GFOD2: variants seen among roughly 807,000 people sequenced by gnomAD.
GFOD2 encodes Gfo/Idh/MocA-like oxidoreductase domain containing 2, also known as glucose-fructose oxidoreductase domain-containing protein 2.
Under a neutral mutation model 24.6 loss-of-function variants are expected in GFOD2, and 9 were observed. The ratio of observed to expected loss-of-function variants is 0.37; its 90% CI spans 0.22 to 0.64. The LOEUF is 0.64. Among genes scored for constraint, GFOD2 ranks in the 30% least tolerant of loss-of-function variants. GFOD2 has a pLI of 0.65. For synonymous variants in GFOD2, 211 were observed against 224.8 expected (o/e 0.94, Z 0.55); for missense variants, 476 against 532.5 (o/e 0.89, Z 1.04).
intron 1 of GFOD2, among the ~76,000 whole-genome samples, chr16:67,709,130 CCTT>C (rs1190132343): frequency 6.6e-6 from 1 of 151,904 alleles, no homozygotes; most frequent in Non-Finnish European, 1.5e-5. Flanking sequence ...TGGCAAAACT[CCTT>C]CTCCACAAAA....
At chr16:67,705,310 C>T (rs766415439) in intron 1 of GFOD2, among the ~76,000 whole-genome samples, 2 of 152,138 alleles carry the variant, frequency 1.3e-5, no homozygotes, top group Non-Finnish European at 2.9e-5. Context: ...CAGGTTCAAG[C>T]AATTCCCCTG....
chr16:67,689,047 G>GC (rs2053291465), intron 1 of GFOD2, among the ~76,000 whole-genome samples: 1 of 115,256 alleles, frequency 8.7e-6, no homozygotes, highest in Non-Finnish European at 1.9e-5. Flanking sequence ...CCTACTTTTT[G>GC]TTTTTTTTTT....
At chr16:67,685,387 G>A in intron 2 of GFOD2, 70 bp downstream of exon 2, 1 of 1,604,012 alleles carries the variant, frequency 6.2e-7, no homozygotes, top group Non-Finnish European at 8.5e-7. Context: ...TCAGAGGAGA[G>A]GAGTGACCCT....
intron 1 of GFOD2, among the ~76,000 whole-genome samples, chr16:67,704,005 A>T (rs887206987): frequency 2.0e-5 from 3 of 152,180 alleles, no homozygotes; most frequent in African/African-American, 7.2e-5. Context: ...TCCATGTTGT[A>T]GCATGTGTCA....
Position 67,675,495 on chromosome 16 carries a change from G to C in GFOD2, c.818C>G (p.Ser273Cys). 6.2e-7 allele frequency: 1 copy of C among 1,612,218 alleles called. No homozygotes were observed. Among genetic ancestry groups the C allele is most frequent in the South Asian group, 1.1e-5 (1 of 91,082 alleles). Reference protein sequence around the residue: ...RGADLYGQKNSATQEELLLRD... With the variant: ...RGADLYGQKNCATQEELLLRD... ...CAAGAGCAGCTCCTCTTGCGTGGCA[G>C]AGTTCTTCTGCCCATAGAGGTCGGC... Residue 273 changes from serine to cysteine, a missense_variant, in exon 3 of 3, where the codon TCT becomes TGT. Ser to Cys is a moderately radical substitution (Grantham distance 112). Coordinates refer to ENST00000268797, the MANE Select transcript of GFOD2 (RefSeq NM_030819.4).
intron 1 of GFOD2, among the ~76,000 whole-genome samples, chr16:67,695,541 T>TC (rs1246293293): frequency 6.6e-6 from 1 of 151,326 alleles, no homozygotes; most frequent in East Asian, 1.9e-4. Flanking sequence ...TAAGTTTTTT[T>TC]TTTTTTTTTT....
At chr16:67,676,524 G>A (rs193077460) in intron 2 of GFOD2, 20 of 159,512 alleles carry the variant, frequency 1.3e-4, no homozygotes, top group Non-Finnish European at 1.6e-4. Context: ...CTTCATGGAC[G>A]TGTCTCTATG....
At chr16:67,714,872 G>A (rs2142997989) in intron 1 of GFOD2, among the ~76,000 whole-genome samples, 1 of 152,202 alleles carries the variant, frequency 6.6e-6, no homozygotes, top group Middle Eastern at 3.4e-3. Flanking sequence ...ACTATCCAGG[G>A]TCCCAAAGAG....
intron 1 of GFOD2, among the ~76,000 whole-genome samples, chr16:67,700,519 C>T (rs1008714540): frequency 2.0e-5 from 3 of 152,166 alleles, no homozygotes; most frequent in African/African-American, 7.2e-5. Flanking sequence ...TGAGACCAGC[C>T]TGGCCAACAT....
intron 2 of GFOD2, chr16:67,682,591 G>A (rs1157083409): frequency 1.0e-6 from 1 of 985,348 alleles, no homozygotes; most frequent in East Asian, 1.1e-4. Flanking sequence ...AAGAACATAG[G>A]TCAGACCAAA....
chr16:67,712,485 C>T (rs1303017189), intron 1 of GFOD2, among the ~76,000 whole-genome samples: 9 of 133,766 alleles, frequency 6.7e-5, no homozygotes, highest in Non-Finnish European at 1.4e-4. Context: ...GACGGGGTTT[C>T]GCTGTGTTGG....
chr16:67,679,722 A>G (rs1031107373), intron 2 of GFOD2, among the ~76,000 whole-genome samples: 2 of 151,702 alleles, frequency 1.3e-5, no homozygotes, highest in African/African-American at 4.8e-5. Context: ...CCCTATCTCT[A>G]CTAAAAATAC....
chr16:67,692,951 A>T (rs974697224), intron 1 of GFOD2, among the ~76,000 whole-genome samples: 5 of 151,392 alleles, frequency 3.3e-5, no homozygotes, highest in African/African-American at 1.2e-4. Context: ...AATGGCGTGA[A>T]CCCAGGAGGC....
chr16:67,682,963 A>G, intron 2 of GFOD2: 1 of 444,192 alleles, frequency 2.3e-6, no homozygotes, highest in Non-Finnish European at 3.0e-6. Flanking sequence ...GAGAATTTAG[A>G]TTTCTTTTTG....
chr16:67,714,256 G>A (rs1017472429), intron 1 of GFOD2, among the ~76,000 whole-genome samples: 1 of 148,392 alleles, frequency 6.7e-6, no homozygotes, highest in Non-Finnish European at 1.5e-5. Flanking sequence ...GAGGTGAGCC[G>A]ATCACTGAGG....
chr16:67,692,037 C>T (rs1384595533), intron 1 of GFOD2, among the ~76,000 whole-genome samples: 1 of 151,692 alleles, frequency 6.6e-6, no homozygotes, highest in Non-Finnish European at 1.5e-5. Flanking sequence ...TATGTGTGTT[C>T]CCAAAGAAAT....
At chr16:67,682,441 T>G in intron 2 of GFOD2, 2 of 985,394 alleles carry the variant, frequency 2.0e-6, no homozygotes, top group Non-Finnish European at 2.4e-6. Context: ...GTGGCAAAGA[T>G]GCTAGGGGCA....
intron 1 of GFOD2, among the ~76,000 whole-genome samples, chr16:67,699,270 A>G (rs1255879723): frequency 6.6e-6 from 1 of 152,106 alleles, no homozygotes; most frequent in Non-Finnish European, 1.5e-5. Flanking sequence ...GGAACCAAAG[A>G]GGCAGAGGCT....
chr16:67,718,609 T>C (rs1452811548), intron 1 of GFOD2, among the ~76,000 whole-genome samples: 1 of 152,222 alleles, frequency 6.6e-6, no homozygotes, highest in East Asian at 1.9e-4. Context: ...GCCAGGGCCA[T>C]TGAGACGTGG....
Sources: gnomAD v4.1 joint callset for allele counts (sites outside exome capture counted in the v4.1 genomes callset) on GRCh38, gnomAD v4.1.1 for gene constraint, MANE v1.5 for transcripts, NCBI Gene and HGNC (gene_info 2026-07-23, HGNC 2026-07-21) for gene names.